Variants in NLRP14 observed in about 807,000 individuals in gnomAD.
NLRP14 encodes the protein NLR family pyrin domain containing 14, also known as NACHT, LRR and PYD domains-containing protein 14.
Under a neutral mutation model 94.7 loss-of-function variants are expected in NLRP14, and 105 were observed. The observed-to-expected ratio is 1.11, with a 90% CI of 0.95 to 1.30. NLRP14 has a LOEUF of 1.30. Among genes scored for constraint, NLRP14 ranks in the 50% most tolerant of loss-of-function variants. NLRP14 has a pLI of 0.00. For synonymous variants in NLRP14, 508 were observed against 459.9 expected, an observed-to-expected ratio of 1.10 and a Z score of -1.34; for missense variants, 1,362 against 1,254.1, an observed-to-expected ratio of 1.09 and a Z score of -1.30.
chr11:7,062,604 C>T, intron 10 of NLRP14, 101 bp downstream of exon 10: 1 of 1,009,284 alleles, frequency 9.9e-7, no homozygotes, highest in African/African-American at 1.6e-5. Flanking sequence ...CTAAATGGGG[C>T]TAGAAGGTAA....
At chr11:7,036,024 A>T (rs1003114498) in intron 1 of NLRP14, among the ~76,000 whole-genome samples, 10 of 152,240 alleles carry the variant, frequency 6.6e-5, no homozygotes, top group African/African-American at 2.4e-4. Flanking sequence ...GGATAAAATC[A>T]AACTTTCAGG....
chr11:7,032,825 G>T (rs1852116358), intron 1 of NLRP14, among the ~76,000 whole-genome samples: 1 of 151,988 alleles, frequency 6.6e-6, no homozygotes, highest in African/African-American at 2.4e-5. Context: ...CAATATTTTA[G>T]TGTGAACTGT....
At chr11:7,037,704 C>G (rs1386717089) in intron 1 of NLRP14, among the ~76,000 whole-genome samples, 3 of 152,152 alleles carry the variant, frequency 2.0e-5, no homozygotes, top group Non-Finnish European at 4.4e-5. Context: ...GAAGAACTGT[C>G]ACCGAGTAAG....
At chr11:7,061,641 T>C (rs776676283) in intron 9 of NLRP14, among the ~76,000 whole-genome samples, 1 of 152,028 alleles carries the variant, frequency 6.6e-6, no homozygotes, top group Non-Finnish European at 1.5e-5. Flanking sequence ...TACGTTGTTA[T>C]AAGGATATGA....
chr11:7,050,014 A>C (rs1852419110), intron 6 of NLRP14, among the ~76,000 whole-genome samples, 176 bp downstream of exon 6: 1 of 152,134 alleles, frequency 6.6e-6, no homozygotes, highest in Non-Finnish European at 1.5e-5. Context: ...AGGACTTCTC[A>C]TTCCTCCCAT....
intron 9 of NLRP14, among the ~76,000 whole-genome samples, chr11:7,061,097 T>A (rs1852613323): frequency 6.6e-6 from 1 of 152,064 alleles, no homozygotes; most frequent in Non-Finnish European, 1.5e-5. Flanking sequence ...AAAGTCAAGC[T>A]CTTTGGTTGA....
chr11:7,063,101 G>C (rs1367714925), intron 10 of NLRP14, among the ~76,000 whole-genome samples: 1 of 152,030 alleles, frequency 6.6e-6, no homozygotes, highest in African/African-American at 2.4e-5. Flanking sequence ...AATCTCCCCT[G>C]ACTCTTCCAA....
intron 7 of NLRP14, 25 bp from the exon 8 acceptor site, chr11:7,058,255 C>T (rs754289382): frequency 3.1e-6 from 5 of 1,603,260 alleles, no homozygotes; most frequent in East Asian, 4.5e-5. Flanking sequence ...ATTGACAGAT[C>T]TCTTCTCATC....
intron 11 of NLRP14, among the ~76,000 whole-genome samples, chr11:7,070,773 A>G (rs1852782315): frequency 1.3e-5 from 2 of 152,286 alleles, no homozygotes; most frequent in Non-Finnish European, 2.9e-5. Flanking sequence ...AAATGATAAA[A>G]TCTACCCATA....
At chr11:7,083,361 A>T in the NLRP14 span, among the ~76,000 whole-genome samples, 1 of 152,240 alleles carries the variant, frequency 6.6e-6, no homozygotes, top group East Asian at 1.9e-4. Flanking sequence ...TCTTGAAATT[A>T]TAGATTGTGA....
chr11:7,042,258 C>A, intron 3 of NLRP14, 130 bp from the exon 4 acceptor site: 1 of 680,782 alleles, frequency 1.5e-6, no homozygotes, highest in Non-Finnish European at 2.5e-6. Flanking sequence ...TCAAAACCAG[C>A]TCTGATTTCA....
intron 10 of NLRP14, among the ~76,000 whole-genome samples, chr11:7,066,098 C>T (rs1852702125): frequency 6.6e-6 from 1 of 152,134 alleles, no homozygotes; most frequent in Admixed American, 6.6e-5. Flanking sequence ...TTTCTTTATC[C>T]AGTCTATCAT....
intron 6 of NLRP14, among the ~76,000 whole-genome samples, chr11:7,050,167 T>C (rs1258359689): frequency 6.6e-6 from 1 of 152,228 alleles, no homozygotes; most frequent in Non-Finnish European, 1.5e-5. Context: ...GTTGTATCTT[T>C]GAACTCTCGT....
the NLRP14 span, chr11:7,089,823 C>A: frequency 6.2e-7 from 1 of 1,609,106 alleles, no homozygotes; most frequent in Non-Finnish European, 8.5e-7. Context: ...TGCCCCCTCG[C>A]CCGGAGAGTA....
At chr11:7,039,640 G>A in intron 2 of NLRP14, 74 bp from the exon 3 acceptor site, 2 of 1,167,672 alleles carry the variant, frequency 1.7e-6, no homozygotes, top group Non-Finnish European at 2.6e-6. Context: ...GTGAATGCTG[G>A]CCTCTGTTCT....
chr11:7,055,500 C>T (rs966101400), intron 6 of NLRP14, among the ~76,000 whole-genome samples: 1 of 152,112 alleles, frequency 6.6e-6, no homozygotes, highest in Non-Finnish European at 1.5e-5. Flanking sequence ...ATTCACGCAG[C>T]ATCTTTGAGT....
At chr11:7,052,523 C>T (rs1852455232) in intron 6 of NLRP14, among the ~76,000 whole-genome samples, 1 of 152,144 alleles carries the variant, frequency 6.6e-6, no homozygotes, top group Non-Finnish European at 1.5e-5. Context: ...ATCCCAGCTA[C>T]TCAGGAGGCT....
chr11:7,058,845 T>C (rs1167410613), intron 8 of NLRP14, among the ~76,000 whole-genome samples: 2 of 152,012 alleles, frequency 1.3e-5, no homozygotes, highest in Non-Finnish European at 2.9e-5. Flanking sequence ...CACTCTGTTG[T>C]ATGTCTGAAT....
At chr11:7,090,686 A>AT in the NLRP14 span, 4 of 305,504 alleles carry the variant, frequency 1.3e-5, no homozygotes, top group Non-Finnish European at 2.6e-5. Flanking sequence ...CATTCTGCTC[A>AT]TTTAAACCAA....
Sources: allele counts gnomAD v4.1 joint callset (sites outside exome capture counted in the v4.1 genomes callset), GRCh38; gene constraint gnomAD v4.1.1; transcripts MANE v1.5; gene names NCBI Gene and HGNC (gene_info 2026-07-23, HGNC 2026-07-21).